The following VAMP4 variants were observed in gnomAD, a reference collection of about 807,000 sequenced individuals.
VAMP4 encodes the protein vesicle associated membrane protein 4, also known as vesicle-associated membrane protein 4.
A neutral mutation model predicts 23.5 loss-of-function variants in VAMP4; 19 were observed. That is an observed-to-expected ratio of 0.81 (90% CI 0.56 to 1.19). The LOEUF is 1.19. Among genes scored for constraint, VAMP4 ranks in the 50% most tolerant of loss-of-function variants. The pLI is 0.00. For synonymous variants in VAMP4, 31 were observed against 51.0 expected, an observed-to-expected ratio of 0.61 and a Z score of 1.67; for missense variants, 145 against 168.6, an observed-to-expected ratio of 0.86 and a Z score of 0.78.
At chr1:171,721,257 A>G (rs1344356693) in intron 3 of VAMP4, among the ~76,000 whole-genome samples, 6 of 152,162 alleles carry the variant, frequency 3.9e-5, no homozygotes, top group Non-Finnish European at 1.5e-5. Context: ...CAAAGCAAGG[A>G]TATTCCCTCT....
In VAMP4 at chr1:171,725,444, A is replaced by G. The variant is rs768666973; in HGVS notation, c.113+3080T>C. 7.9e-5 allele frequency among the ~76,000 whole-genome samples: 12 copies of G among 152,096 alleles called. 1 individual carries two copies. Among genetic ancestry groups the G allele is most frequent in the South Asian group, 6.2e-4 (3 of 4,812 alleles). ...AATGAGACCCTGTCTCAGTCAATCA[A>G]TCAATCAGCAAACAATTAAAAAAAA... is the stretch of plus-strand genomic sequence containing the variant. On this transcript the variant is annotated intron_variant, in intron 3 of 7. Coordinates refer to ENST00000236192, the MANE Select transcript of VAMP4 (RefSeq NM_003762.5).
chr1:171,709,698 T>C lies in VAMP4; in HGVS notation c.312A>G (p.Gln104=), dbSNP rs778596696. The change falls in exon 6 of 8, where the codon CAA becomes CAG. Residue 104 remains glutamine, a synonymous_variant. Coordinates refer to ENST00000236192, the MANE Select transcript of VAMP4 (RefSeq NM_003762.5). Reference sequence around the variant, plus strand: ...CACGCCACCACATTTGCCTTCGAAGTTGTTTGGATCTGTTGCTAAAAGCTG... The same window carrying C: ...CACGCCACCACATTTGCCTTCGAAGCTGTTTGGATCTGTTGCTAAAAGCTG... ...NATAFSNRSK[Q]LRRQMWWRGC... is the part of the protein sequence containing the mutation. 5.6e-6 allele frequency: 9 copies of C among 1,613,294 alleles called. No homozygotes were observed. Among genetic ancestry groups the C allele is most frequent in the Non-Finnish European group, 7.6e-6 (9 of 1,179,448 alleles).
intron 2 of VAMP4, among the ~76,000 whole-genome samples, chr1:171,729,956 GAGAGAGAGACAGAC>G (rs1655507928): frequency 1.3e-5 from 2 of 152,162 alleles, no homozygotes; most frequent in African/African-American, 4.8e-5. Flanking sequence ...GTGAGGGAGA[GAGAGAGAGACAGAC>G]AGACAGAGAC....
intron 4 of VAMP4, 76 bp from the exon 5 acceptor site, chr1:171,710,890 TAATA>T: frequency 9.9e-7 from 1 of 1,008,356 alleles, no homozygotes; most frequent in East Asian, 2.6e-5. Flanking sequence ...TCATTAGACA[TAATA>T]AAGAATAGCA....
In VAMP4 at chr1:171,702,127, G is replaced by A. The variant is rs774036408; in HGVS notation, c.*2379C>T. The A allele has an allele frequency of 6.6e-6, 1 of 152,032 alleles. No homozygotes were observed. Among genetic ancestry groups the A allele is most frequent in the African/African-American group, 2.4e-5 (1 of 41,434 alleles). 9.4% of individuals were successfully genotyped at this position (152,032 alleles called of 1,614,324 possible). A position where few individuals can be genotyped will look rare whatever the true frequency, so the allele number is the denominator to read the frequency against. On this transcript the variant is annotated 3_prime_UTR_variant, in exon 8 of 8. Transcript: ENST00000236192. ...TAATTAAGGGAGGGAATAAAGGTAGGCCTGGCATCAGTTTGAACAATATAT... is the reference window on the plus strand; with the variant it reads ...TAATTAAGGGAGGGAATAAAGGTAGACCTGGCATCAGTTTGAACAATATAT...
At chr1:171,741,344 A>G (rs1199446003) in intron 1 of VAMP4, among the ~76,000 whole-genome samples, 1 of 152,174 alleles carries the variant, frequency 6.6e-6, no homozygotes, top group Admixed American at 6.5e-5. Flanking sequence ...GCAGTTTCAC[A>G]GAAATAAAGT....
In VAMP4 at chr1:171,737,454, G is replaced by C. The variant is rs1270339782; in HGVS notation, c.66+895C>G. Reference sequence around the variant, plus strand: ...ATATATATTTGCATAGAATGTTCTGGAATAAACTAGAAATTGAAGCATTAT... The same window carrying C: ...ATATATATTTGCATAGAATGTTCTGCAATAAACTAGAAATTGAAGCATTAT... On this transcript the variant is annotated intron_variant, in intron 2 of 7. Coordinates refer to ENST00000236192, the MANE Select transcript of VAMP4 (RefSeq NM_003762.5). Among the ~76,000 whole-genome samples the C allele has an allele frequency of 2.6e-5, 4 of 152,064 alleles. No individual in the cohort carries two copies. The East Asian group carries it at 7.7e-4, about 29-fold the overall frequency.
chr1:171,710,961 T>A, intron 4 of VAMP4, 147 bp from the exon 5 acceptor site: 2 of 584,946 alleles, frequency 3.4e-6, no homozygotes, highest in Admixed American at 7.1e-5. Flanking sequence ...GTAGCAATGT[T>A]CTTCCATTTG....
chr1:171,730,502 G>C (rs1261550712), intron 2 of VAMP4, among the ~76,000 whole-genome samples: 1 of 152,178 alleles, frequency 6.6e-6, no homozygotes, highest in Non-Finnish European at 1.5e-5. Flanking sequence ...GAGTGGGAGA[G>C]TGAAGTGAAG....
chr1:171,721,946 A>T (rs1655206883), intron 3 of VAMP4, among the ~76,000 whole-genome samples: 1 of 152,224 alleles, frequency 6.6e-6, no homozygotes, highest in Non-Finnish European at 1.5e-5. Flanking sequence ...CACATTGCCA[A>T]GACAATCCTA....
chr1:171,739,367 C>T (rs898274661), intron 1 of VAMP4, among the ~76,000 whole-genome samples: 1 of 152,226 alleles, frequency 6.6e-6, no homozygotes, highest in Non-Finnish European at 1.5e-5. Flanking sequence ...GACGGTGGCA[C>T]ACCTGGAGAG....
chr1:171,715,059 A>G (rs1654984945), intron 4 of VAMP4, among the ~76,000 whole-genome samples: 1 of 152,142 alleles, frequency 6.6e-6, no homozygotes, highest in African/African-American at 2.4e-5. Flanking sequence ...AGGATAAGGA[A>G]ATATATGTCA....
In VAMP4 at chr1:171,719,189, C is replaced by T. The variant is rs1365548408; in HGVS notation, c.146G>A (p.Arg49Lys). The change falls in exon 4 of 8, where the codon AGA (arginine) becomes AAA (lysine). Residue 49 changes from arginine to lysine, a missense_variant. Transcript: ENST00000236192. ...RGPSGPRFGP[R>K]NDKIKHVQNQ... ...AACTTACTGCTTAATTTTATCATTT[C>T]TAGGTCCAAATCTTGGTCCAGATGG... The T allele has an allele frequency of 6.2e-7, 1 of 1,611,614 alleles. No homozygotes were observed. Among genetic ancestry groups the T allele is most frequent in the South Asian group, 1.1e-5 (1 of 90,752 alleles).
At chr1:171,725,451 A>G (rs1655332468) in intron 3 of VAMP4, among the ~76,000 whole-genome samples, 1 of 152,142 alleles carries the variant, frequency 6.6e-6, no homozygotes, top group Non-Finnish European at 1.5e-5. Context: ...TCAATCAATC[A>G]GCAAACAATT....
Position 171,733,294 on chromosome 1 carries a change from C to CAA in VAMP4, c.67-4726_67-4725dup, listed in dbSNP as rs35176644. On this transcript the variant is annotated intron_variant, in intron 2 of 7. Transcript: ENST00000236192. ...GCAATACGGTGAAACCCCATCTCTACAAAAAAAAAAAAAAAAAAAAAAAAA... is the reference window on the plus strand; with the variant it reads ...GCAATACGGTGAAACCCCATCTCTACAAAAAAAAAAAAAAAAAAAAAAAAAAA... Among the ~76,000 whole-genome samples the CAA allele has an allele frequency of 3.9e-3, 226 of 58,106 alleles. 20 individuals carry two copies. Among genetic ancestry groups the CAA allele is most frequent in the African/African-American group, 0.014 (186 of 13,594 alleles). The allele number at this position is 58,106 out of a possible 152,430, so 38.1% of individuals were successfully genotyped here. A position where few individuals can be genotyped will look rare whatever the true frequency, so the allele number is the denominator to read the frequency against.
intron 3 of VAMP4, among the ~76,000 whole-genome samples, chr1:171,720,164 C>T (rs753605490): frequency 1.1e-4 from 16 of 151,852 alleles, no homozygotes; most frequent in Non-Finnish European, 1.0e-4. Context: ...GAACAGTATT[C>T]CATTCCAAAG....
chr1:171,721,594 T>C (rs1206855413), intron 3 of VAMP4, among the ~76,000 whole-genome samples: 1 of 152,164 alleles, frequency 6.6e-6, no homozygotes, highest in Non-Finnish European at 1.5e-5. Flanking sequence ...ATCACAAGCA[T>C]TCCTATACAC....
chr1:171,707,512 C>T (rs927877869), intron 6 of VAMP4, among the ~76,000 whole-genome samples: 3 of 152,110 alleles, frequency 2.0e-5, no homozygotes, highest in African/African-American at 7.2e-5. Context: ...TTTCTTAAAA[C>T]CCTTCTGAAA....
In VAMP4 at chr1:171,728,572, TG is replaced by T; in HGVS notation, c.67-3del. 6.4e-7 allele frequency: 1 copy of T among 1,555,564 alleles called. No individual in the cohort carries two copies. Among genetic ancestry groups the T allele is most frequent in the Non-Finnish European group, 8.7e-7 (1 of 1,153,592 alleles). On this transcript the variant is annotated splice_polypyrimidine_tract_variant and splice_region_variant and intron_variant, in intron 2 of 7. Coordinates refer to ENST00000236192, the MANE Select transcript of VAMP4 (RefSeq NM_003762.5). Reference sequence around the variant, plus strand: ...TGAATCATCTTCCAAAAGATTTCTCTGTCAAAAAAAGAAAAAGACTTGAGTT... The same window carrying T: ...TGAATCATCTTCCAAAAGATTTCTCTTCAAAAAAAGAAAAAGACTTGAGTT...
Sources: gnomAD v4.1 joint callset for allele counts (sites outside exome capture counted in the v4.1 genomes callset) on GRCh38, gnomAD v4.1.1 for gene constraint, MANE v1.5 for transcripts, NCBI Gene and HGNC (gene_info 2026-07-23, HGNC 2026-07-21) for gene names.